NR3C2: variants seen among roughly 807,000 people sequenced by gnomAD.
NR3C2 encodes the protein mineralocorticoid receptor.
Under a neutral mutation model 86.4 loss-of-function variants are expected in NR3C2, and 15 were observed. The observed-to-expected ratio is 0.17, with a 90% CI of 0.12 to 0.27. NR3C2 has a LOEUF of 0.27. Ranked by LOEUF, NR3C2 falls within the 10% of genes least tolerant of loss-of-function variation. The pLI is 1.00. For missense variants in NR3C2, 960 were observed against 1,195.6 expected (o/e 0.80, Z 2.91); for synonymous variants, 458 against 450.5 (o/e 1.02, Z -0.21).
upstream of NR3C2, chr4:148,443,847 C>T (rs2248038): frequency 0.88 from 231,055 of 262,602 alleles, 101,827 homozygotes; most frequent in Middle Eastern, 0.93. Flanking sequence ...TAGTTAAGCT[C>T]CGGGATTCCG....
chr4:148,436,251 C>A lies in NR3C2; in HGVS notation c.610G>T (p.Val204Phe), dbSNP rs1242213053. ...VCSPLNMTSS[V>F]CSPAGINSVS... ...GAGTTGATTCCAGCAGGGCTGCAAA[C>A]CGAAGATGTCATGTTCAGAGGGCTG... Residue 204 changes from valine (V) to phenylalanine (F), a missense_variant, in exon 2 of 9, where the codon GTT (valine) becomes TTT (phenylalanine). Val to Phe is a conservative substitution (Grantham distance 50). Coordinates refer to ENST00000358102, the MANE Select transcript of NR3C2 (RefSeq NM_000901.5). 6.2e-7 allele frequency: 1 copy of A among 1,614,040 alleles called. No individual in the cohort carries two copies. Among genetic ancestry groups the A allele is most frequent in the African/African-American group, 1.3e-5 (1 of 74,914 alleles).
intron 6 of NR3C2, 64 bp from the exon 7 acceptor site, chr4:148,120,352 C>G: frequency 6.2e-7 from 1 of 1,600,420 alleles, no homozygotes; most frequent in Admixed American, 1.7e-5. Flanking sequence ...AGACTGGCAG[C>G]CTGAGGCAGC....
chr4:148,399,039 C>G (rs562452521), intron 2 of NR3C2, among the ~76,000 whole-genome samples: 24 of 152,324 alleles, frequency 1.6e-4, no homozygotes, highest in African/African-American at 2.6e-4. Context: ...ATGGCACAGA[C>G]AAGACTCTTT....
At chr4:148,276,140 C>G (rs1740950141) in intron 2 of NR3C2, among the ~76,000 whole-genome samples, 2 of 152,080 alleles carry the variant, frequency 1.3e-5, no homozygotes, top group South Asian at 2.1e-4. Flanking sequence ...TATTGTGAAC[C>G]TTTTATGAGA....
Position 148,435,406 on chromosome 4 carries a change from T to C in NR3C2, c.1455A>G (p.Glu485=), listed in dbSNP as rs1749996541. The stretch of plus-strand genomic sequence containing the variant: ...TAATACCCACTGGGAATCCGCTGCC[T>C]TCACAGTTACCATCAAAGCCGGGCA... ...PPVPGFDGNC[E]GSGFPVGIKQ... The change falls in exon 2 of 9, where the codon GAA becomes GAG. Residue 485 remains glutamate, a synonymous_variant. Transcript: ENST00000358102. The C allele has an allele frequency of 6.2e-7, 1 of 1,613,934 alleles. No individual in the cohort carries two copies. Among genetic ancestry groups the C allele is most frequent in the Non-Finnish European group, 8.5e-7 (1 of 1,180,036 alleles).
At chr4:148,390,805 T>C (rs1192709003) in intron 2 of NR3C2, among the ~76,000 whole-genome samples, 1 of 152,204 alleles carries the variant, frequency 6.6e-6, no homozygotes, top group Non-Finnish European at 1.5e-5. Flanking sequence ...ATAAAATACA[T>C]GCTTACCTAT....
chr4:148,118,055 C>G (rs1046243724), intron 7 of NR3C2, among the ~76,000 whole-genome samples: 5 of 152,198 alleles, frequency 3.3e-5, no homozygotes, highest in Admixed American at 3.3e-4. Flanking sequence ...TGTCATCTTT[C>G]TGGGTCTCGC....
chr4:148,392,560 G>A (rs959740400), intron 2 of NR3C2, among the ~76,000 whole-genome samples: 1 of 152,122 alleles, frequency 6.6e-6, no homozygotes, highest in Non-Finnish European at 1.5e-5. Flanking sequence ...ATGCTCTGCT[G>A]GTCCCCCAGA....
chr4:148,244,245 C>T (rs571669446), intron 3 of NR3C2, among the ~76,000 whole-genome samples: 2 of 152,300 alleles, frequency 1.3e-5, no homozygotes, highest in South Asian at 4.1e-4. Flanking sequence ...CGGATAGCTA[C>T]ATAGGTTTTG....
intron 3 of NR3C2, among the ~76,000 whole-genome samples, chr4:148,236,045 T>C (rs556072767): frequency 2.0e-5 from 3 of 152,354 alleles, no homozygotes; most frequent in East Asian, 3.9e-4. Flanking sequence ...TTTCTAAAGC[T>C]AGGCCAGTGC....
chr4:148,268,000 C>T (rs1331740613), intron 2 of NR3C2, among the ~76,000 whole-genome samples: 2 of 142,176 alleles, frequency 1.4e-5, no homozygotes, highest in Non-Finnish European at 1.5e-5. Context: ...AGTTCAGTGG[C>T]GTGATCTCAG....
At chr4:148,383,289 TAA>T (rs1747092667) in intron 2 of NR3C2, among the ~76,000 whole-genome samples, 1 of 152,144 alleles carries the variant, frequency 6.6e-6, no homozygotes, top group East Asian at 1.9e-4. Flanking sequence ...TAAGAAGAAA[TAA>T]GTCTACAGTA....
rs556051232 is a variant in NR3C2, at chr4:148,363,647, G to A, written c.1757+71457C>T. 3.3e-5 allele frequency among the ~76,000 whole-genome samples: 5 copies of A among 151,980 alleles called. No homozygotes were observed. In the East Asian group the frequency reaches 7.8e-4, roughly 24 times the overall value. On this transcript the variant is annotated intron_variant, in intron 2 of 8. Transcript: ENST00000358102. ...GCCTCCTGAGTAGCTGGGACTACAG[G>A]TGCCCACCACCACGCCCGGCTAATG...
At chr4:148,303,869 A>G (rs776615878) in intron 2 of NR3C2, among the ~76,000 whole-genome samples, 5 of 152,214 alleles carry the variant, frequency 3.3e-5, no homozygotes, top group African/African-American at 4.8e-5. Flanking sequence ...ATACATGGGT[A>G]TGAGCGGATA....
chr4:148,428,558 T>C (rs184819527), intron 2 of NR3C2, among the ~76,000 whole-genome samples: 1 of 152,178 alleles, frequency 6.6e-6, no homozygotes, highest in African/African-American at 2.4e-5. Flanking sequence ...ATTTCTGGAT[T>C]TTAATGGTTA....
chr4:148,297,185 G>A (rs1304823808), intron 2 of NR3C2, among the ~76,000 whole-genome samples: 1 of 152,036 alleles, frequency 6.6e-6, no homozygotes, highest in African/African-American at 2.4e-5. Context: ...ATGAAGAAAT[G>A]ACACACCACT....
At chr4:148,245,064 G>C (rs1279627778) in intron 3 of NR3C2, among the ~76,000 whole-genome samples, 3 of 152,120 alleles carry the variant, frequency 2.0e-5, no homozygotes, top group East Asian at 3.8e-4. Context: ...GTGCTTGGAG[G>C]AGCCGGGTAG....
At chr4:148,164,521 A>G (rs1734796356) in intron 4 of NR3C2, among the ~76,000 whole-genome samples, 1 of 152,208 alleles carries the variant, frequency 6.6e-6, no homozygotes, top group Non-Finnish European at 1.5e-5. Context: ...TGCATGTGTA[A>G]AACAAACAAG....
chr4:148,191,897 C>T (rs1736214946), intron 4 of NR3C2, among the ~76,000 whole-genome samples: 1 of 152,104 alleles, frequency 6.6e-6, no homozygotes, highest in African/African-American at 2.4e-5. Flanking sequence ...CTTCTTTTAT[C>T]ATTTTCTGGA....
Sources: gnomAD v4.1 joint callset for allele counts (sites outside exome capture counted in the v4.1 genomes callset) on GRCh38, gnomAD v4.1.1 for gene constraint, MANE v1.5 for transcripts, NCBI Gene and HGNC (gene_info 2026-07-23, HGNC 2026-07-21) for gene names.